Variants in MRPS28 observed in about 807,000 individuals in gnomAD.
MRPS28 encodes mitochondrial ribosomal protein S28, also known as small ribosomal subunit protein bS1m.
MRPS28 carries 7 observed loss-of-function variants against 10.8 expected under a neutral mutation model. That is an observed-to-expected ratio of 0.65 (90% CI 0.37 to 1.22). MRPS28 has a LOEUF of 1.22. MRPS28 is among the 50% of genes most tolerant of loss of function. The probability of loss-of-function intolerance (pLI) is 0.02; values close to 1 mark genes in which losing one functional copy is unlikely to be tolerated. For synonymous variants in MRPS28, 121 were observed against 93.3 expected (o/e 1.30, Z -1.71); for missense variants, 265 against 232.9 (o/e 1.14, Z -0.90).
chr8:79,919,820 T>A (rs1810024771), intron 2 of MRPS28, among the ~76,000 whole-genome samples: 1 of 152,180 alleles, frequency 6.6e-6, no homozygotes, highest in South Asian at 2.1e-4. Context: ...TATTACACTT[T>A]AAGTTTTAGG....
intron 2 of MRPS28, among the ~76,000 whole-genome samples, chr8:79,969,104 T>G (rs1438976696): frequency 5.3e-5 from 8 of 152,206 alleles, no homozygotes; most frequent in Non-Finnish European, 1.0e-4. Context: ...TCCTGTCCCT[T>G]AGACTATGAA....
At chr8:79,924,122 T>G (rs576795169) in intron 2 of MRPS28, among the ~76,000 whole-genome samples, 25 of 152,220 alleles carry the variant, frequency 1.6e-4, no homozygotes, top group Non-Finnish European at 3.2e-4. Context: ...GAATTCTGAC[T>G]TTGCTAGTCA....
chr8:80,024,485 A>AAATC (rs1809450092), intron 1 of MRPS28, among the ~76,000 whole-genome samples: 1 of 152,146 alleles, frequency 6.6e-6, no homozygotes, highest in South Asian at 2.1e-4. Context: ...GCTCTTGATT[A>AAATC]AATTCCTGGC....
intron 1 of MRPS28, among the ~76,000 whole-genome samples, chr8:80,009,281 T>C (rs1808957971): frequency 6.6e-6 from 1 of 151,472 alleles, no homozygotes; most frequent in South Asian, 2.1e-4. Context: ...TGCTGTGGGG[T>C]GGGGGCAGAG....
In MRPS28 at chr8:79,920,701, G is replaced by T. The variant is rs541137514; in HGVS notation, c.396-1553C>A. On this transcript the variant is annotated intron_variant, in intron 2 of 2. Coordinates refer to ENST00000276585, the MANE Select transcript of MRPS28 (RefSeq NM_014018.3). ...TTCTGGATATTAGCCCTTTGTCAGA[G>T]GAGTAGATTGCAAAAATTTTCTCCC... Among the ~76,000 whole-genome samples, 382 of 152,190 alleles carry T rather than the reference G, an allele frequency of 2.5e-3. 1 individual carries two copies. The highest frequency in any genetic ancestry group is 4.3e-3 in the Non-Finnish European group (295 of 67,970).
chr8:80,012,196 A>G (rs1421927742), intron 1 of MRPS28, among the ~76,000 whole-genome samples: 5 of 152,284 alleles, frequency 3.3e-5, no homozygotes, highest in South Asian at 2.1e-4. Context: ...ATTTTACCAC[A>G]AGCATAAGAA....
chr8:79,986,768 A>G (rs1406523706), intron 2 of MRPS28, among the ~76,000 whole-genome samples: 12 of 149,758 alleles, frequency 8.0e-5, no homozygotes, highest in Non-Finnish European at 1.5e-4. Context: ...GCTCAACGAA[A>G]TAAAAGAGGA....
chr8:79,988,049 T>G (rs1175906584), intron 2 of MRPS28, among the ~76,000 whole-genome samples: 3 of 151,774 alleles, frequency 2.0e-5, no homozygotes, highest in Admixed American at 1.3e-4. Flanking sequence ...TAGACTGAAT[T>G]AAGAAAATGT....
At chr8:79,956,206 A>G (rs79019897) in intron 2 of MRPS28, among the ~76,000 whole-genome samples, 11,098 of 152,120 alleles carry the variant, frequency 0.073, 740 homozygotes, top group African/African-American at 0.18. Context: ...TTATCTTACA[A>G]TTGCAGAGTT....
At chr8:80,019,298 C>T (rs775904298) in intron 1 of MRPS28, among the ~76,000 whole-genome samples, 4 of 147,318 alleles carry the variant, frequency 2.7e-5, no homozygotes, top group African/African-American at 5.1e-5. Context: ...CAAAGTATCT[C>T]GTGTGCCCCC....
chr8:80,009,086 T>C (rs1808951665), intron 1 of MRPS28, among the ~76,000 whole-genome samples: 1 of 152,090 alleles, frequency 6.6e-6, no homozygotes, highest in Non-Finnish European at 1.5e-5. Context: ...CATGGAATAC[T>C]ATGCAGCCAT....
At chr8:79,938,023 G>A (rs975611361) in intron 2 of MRPS28, among the ~76,000 whole-genome samples, 4 of 152,092 alleles carry the variant, frequency 2.6e-5, no homozygotes, top group African/African-American at 4.8e-5. Context: ...TTGGGGGGAG[G>A]TGTGTGTGCT....
At chr8:79,966,341 A>G (rs1006556973) in intron 2 of MRPS28, among the ~76,000 whole-genome samples, 2 of 152,198 alleles carry the variant, frequency 1.3e-5, no homozygotes, top group Admixed American at 1.3e-4. Context: ...GTAGTAAAAC[A>G]GCCTCAAAAT....
At chr8:79,966,900 A>G (rs903187100) in intron 2 of MRPS28, among the ~76,000 whole-genome samples, 2 of 152,290 alleles carry the variant, frequency 1.3e-5, no homozygotes, top group Admixed American at 1.3e-4. Flanking sequence ...CAAGGTATAA[A>G]TTGTTTGAGT....
chr8:79,921,149 ATC>A (rs1018020993), intron 2 of MRPS28, among the ~76,000 whole-genome samples: 6,164 of 152,120 alleles, frequency 0.041, 430 homozygotes, highest in African/African-American at 0.14. Context: ...ATTGGTCTAT[ATC>A]TCTGTTTTGG....
intron 1 of MRPS28, among the ~76,000 whole-genome samples, chr8:80,020,172 G>C (rs1294596800): frequency 6.6e-6 from 1 of 152,200 alleles, no homozygotes; most frequent in Non-Finnish European, 1.5e-5. Context: ...GAATGTCTGC[G>C]TGACCATAAG....
chr8:79,971,523 C>T (rs1487723239), intron 2 of MRPS28, among the ~76,000 whole-genome samples: 1 of 152,098 alleles, frequency 6.6e-6, no homozygotes, highest in Non-Finnish European at 1.5e-5. Flanking sequence ...CCACTGCCTC[C>T]CATCTTCCCA....
chr8:80,005,606 A>G (rs1808816178), intron 1 of MRPS28, among the ~76,000 whole-genome samples: 1 of 152,222 alleles, frequency 6.6e-6, no homozygotes, highest in Non-Finnish European at 1.5e-5. Flanking sequence ...CTAACATCAT[A>G]ATGACAGGAT....
chr8:80,021,823 T>A (rs1563545411), intron 1 of MRPS28, among the ~76,000 whole-genome samples: 1 of 152,206 alleles, frequency 6.6e-6, no homozygotes, highest in African/African-American at 2.4e-5. Context: ...TCACATGCAA[T>A]TGTAACCAAG....
Sources: gnomAD v4.1 joint callset for allele counts (sites outside exome capture counted in the v4.1 genomes callset) on GRCh38, gnomAD v4.1.1 for gene constraint, MANE v1.5 for transcripts, NCBI Gene and HGNC (gene_info 2026-07-23, HGNC 2026-07-21) for gene names.